GLG1: variants seen among roughly 807,000 people sequenced by gnomAD.
The protein encoded by GLG1 is Golgi apparatus protein 1.
Under a neutral mutation model 160.5 loss-of-function variants are expected in GLG1, and 38 were observed. The ratio of observed to expected loss-of-function variants is 0.24; its 90% CI spans 0.18 to 0.31. The LOEUF is 0.31. GLG1 is among the 10% of genes least tolerant of loss of function. The pLI is 1.00. For missense variants in GLG1, 1,373 were observed against 1,505.2 expected (o/e 0.91, Z 1.45); for synonymous variants, 644 against 543.4 (o/e 1.19, Z -2.57).
In GLG1 at chr16:74,586,316, T is replaced by C. The variant is rs1034462224; in HGVS notation, c.438+20341A>G. On this transcript the variant is annotated intron_variant, in intron 1 of 25. Transcript: ENST00000422840. Reference sequence around the variant, plus strand: ...ATATTTTTGGGTTTTTTATGGAAGTTAGTTTTGTCCTAATTAGCACATGAA... The same window carrying C: ...ATATTTTTGGGTTTTTTATGGAAGTCAGTTTTGTCCTAATTAGCACATGAA... Among the ~76,000 whole-genome samples the C allele has an allele frequency of 3.3e-5, 5 of 152,200 alleles. No homozygotes were observed. In the East Asian group the frequency reaches 9.6e-4, roughly 29 times the overall value.
chr16:74,470,886 C>G (rs1008103940), intron 15 of GLG1, among the ~76,000 whole-genome samples: 7 of 152,044 alleles, frequency 4.6e-5, no homozygotes, highest in Non-Finnish European at 7.4e-5. Flanking sequence ...GCCTTTGAAA[C>G]AGCTGGGATT....
chr16:74,456,594 G>T, intron 25 of GLG1, 55 bp downstream of exon 25: 4 of 1,044,868 alleles, frequency 3.8e-6, no homozygotes, highest in Non-Finnish European at 6.0e-6. Flanking sequence ...GCAAATTGGT[G>T]AAGTGTTCCA....
intron 3 of GLG1, among the ~76,000 whole-genome samples, chr16:74,504,057 G>A (rs529954466): frequency 3.3e-5 from 5 of 152,302 alleles, no homozygotes; most frequent in Admixed American, 6.5e-5. Flanking sequence ...GAAAAGAGCT[G>A]TTAACATCTA....
intron 15 of GLG1, among the ~76,000 whole-genome samples, chr16:74,470,302 TTCCC>T (rs1470884272): frequency 1.4e-5 from 2 of 145,936 alleles, no homozygotes; most frequent in African/African-American, 5.1e-5. Context: ...CCTTCCTTCC[TTCCC>T]TCCCTCCCTC....
intron 23 of GLG1, among the ~76,000 whole-genome samples, 163 bp downstream of exon 23, chr16:74,459,519 A>C (rs189463755): frequency 6.6e-6 from 1 of 152,318 alleles, no homozygotes; most frequent in East Asian, 1.9e-4. Flanking sequence ...AGCAGTCAAA[A>C]TCAAATGAAA....
chr16:74,482,284 G>A (rs1385961764), intron 10 of GLG1, among the ~76,000 whole-genome samples: 1 of 152,148 alleles, frequency 6.6e-6, no homozygotes, highest in Non-Finnish European at 1.5e-5. Flanking sequence ...GAGCCACTGT[G>A]CCTGGCCAAA....
chr16:74,515,083 CAAG>C (rs1381653539), intron 2 of GLG1, among the ~76,000 whole-genome samples: 1 of 152,118 alleles, frequency 6.6e-6, no homozygotes, highest in Non-Finnish European at 1.5e-5. Flanking sequence ...ATCAATTCAA[CAAG>C]AAGAGCTAAC....
At chr16:74,545,498 T>C (rs1012826944) in intron 1 of GLG1, among the ~76,000 whole-genome samples, 2 of 152,204 alleles carry the variant, frequency 1.3e-5, no homozygotes, top group Admixed American at 1.3e-4. Flanking sequence ...CACCAAGTTT[T>C]CGAAGCCCAG....
chr16:74,587,718 T>C (rs1472236725), intron 1 of GLG1, among the ~76,000 whole-genome samples: 1 of 151,990 alleles, frequency 6.6e-6, no homozygotes, highest in Non-Finnish European at 1.5e-5. Context: ...ATACAAAAAT[T>C]AGCTGGGCAT....
chr16:74,569,889 A>C (rs1354788781), intron 1 of GLG1, among the ~76,000 whole-genome samples: 1 of 151,238 alleles, frequency 6.6e-6, no homozygotes, highest in Non-Finnish European at 1.5e-5. Flanking sequence ...AAAAAAAAAA[A>C]GCAACGGTTT....
chr16:74,605,356 T>C (rs1476009748), intron 1 of GLG1, among the ~76,000 whole-genome samples: 2 of 152,208 alleles, frequency 1.3e-5, no homozygotes, highest in East Asian at 1.9e-4. Flanking sequence ...ATGTGCTGTT[T>C]CTACCACAAA....
At chr16:74,493,165 C>T (rs763640190) in intron 6 of GLG1, 25 bp from the exon 7 acceptor site, 7 of 1,540,916 alleles carry the variant, frequency 4.5e-6, no homozygotes, top group Middle Eastern at 1.7e-4. Context: ...CAGCAACAGC[C>T]GTGAGACCAC....
intron 1 of GLG1, among the ~76,000 whole-genome samples, chr16:74,602,302 TTA>T (rs1277931699): frequency 6.6e-6 from 1 of 152,220 alleles, no homozygotes; most frequent in Non-Finnish European, 1.5e-5. Flanking sequence ...AAGAATTTTT[TTA>T]TGTTTTTCTT....
chr16:74,600,508 G>A (rs1020026389), intron 1 of GLG1, among the ~76,000 whole-genome samples: 3 of 152,038 alleles, frequency 2.0e-5, no homozygotes, highest in African/African-American at 4.8e-5. Flanking sequence ...AAGACAGGCA[G>A]ATCACTTGAG....
chr16:74,553,486 T>C (rs1010422453), intron 1 of GLG1, among the ~76,000 whole-genome samples: 1 of 147,316 alleles, frequency 6.8e-6, no homozygotes, highest in African/African-American at 2.5e-5. Context: ...TTTTTTTTTT[T>C]TTTTGAAACG....
At chr16:74,456,520 T>C in intron 25 of GLG1, 129 bp downstream of exon 25, 1 of 690,412 alleles carries the variant, frequency 1.4e-6, no homozygotes, top group South Asian at 1.6e-5. Flanking sequence ...ACCAGTGCGA[T>C]ATCTAAAAGA....
rs567707138 is a variant in GLG1, at chr16:74,607,072, C to T, written c.23G>A (p.Arg8Gln). The T allele has an allele frequency of 9.6e-5, 150 of 1,569,504 alleles. 2 individuals are homozygous for T. The South Asian group carries it at 1.6e-3, about 17-fold the overall frequency. Residue 8 changes from arginine to glutamine, a missense_variant, in exon 1 of 26, where the codon CGG (arginine) becomes CAG (glutamine). By Grantham distance (43) the Arg-to-Gln change is conservative. This residue lies in a region of GLG1 where 322 missense variants were observed against 254.6 expected (regional missense o/e 1.26). Coordinates refer to ENST00000422840, the MANE Select transcript of GLG1 (RefSeq NM_001145667.2). ...CGCCGCCGACAAGCGGAACATCCTC[C>T]GTACACGTCCACACGCCGCCATCTT... is the stretch of plus-strand genomic sequence containing the variant. MAACGRV[R>Q]RMFRLSAALH... is the part of the protein sequence containing the mutation.
intron 3 of GLG1, among the ~76,000 whole-genome samples, chr16:74,505,816 T>C (rs1387096812): frequency 4.6e-5 from 7 of 151,326 alleles, no homozygotes; most frequent in Admixed American, 3.3e-4. Context: ...GATTGAGCCA[T>C]TGCATTCCAC....
At chr16:74,478,652 C>T (rs1203566582) in intron 11 of GLG1, among the ~76,000 whole-genome samples, 1 of 152,124 alleles carries the variant, frequency 6.6e-6, no homozygotes, top group Admixed American at 6.6e-5. Flanking sequence ...TGGCTCACAC[C>T]TGTAATCCCA....
Sources: allele counts gnomAD v4.1 joint callset (sites outside exome capture counted in the v4.1 genomes callset), GRCh38; gene constraint gnomAD v4.1.1; regional missense constraint gnomAD v4.1.1; transcripts MANE v1.5; gene names NCBI Gene and HGNC (gene_info 2026-07-23, HGNC 2026-07-21).